The following PRKAG2 variants were observed in gnomAD, a reference collection of about 807,000 sequenced individuals.
PRKAG2 encodes the protein protein kinase AMP-activated non-catalytic subunit gamma 2.
A neutral mutation model predicts 69.6 loss-of-function variants in PRKAG2; 26 were observed. The observed-to-expected ratio is 0.37, with a 90% CI of 0.27 to 0.52. The LOEUF is 0.52. Among genes scored for constraint, PRKAG2 ranks in the 20% least tolerant of loss-of-function variants. PRKAG2 has a pLI of 0.90. For synonymous variants in PRKAG2, 293 were observed against 285.0 expected (o/e 1.03, Z -0.28); for missense variants, 557 against 740.0 (o/e 0.75, Z 2.87).
Position 151,786,482 on chromosome 7 carries a change from A to G in PRKAG2, c.174T>C (p.His58=). ...AAGGAGGTCTTACCTTTCGAGAGGAATGCTTTCCGGAACCCTCCAGGTCTC... is the reference window on the plus strand; with the variant it reads ...AAGGAGGTCTTACCTTTCGAGAGGAGTGCTTTCCGGAACCCTCCAGGTCTC... ...LDGDLEGSGK[H]SSRKVDSPFG... is the part of the protein sequence containing the mutation. Residue 58 remains histidine (H), a synonymous_variant, in exon 2 of 16, where the codon CAT becomes CAC. Coordinates refer to ENST00000287878, the MANE Select transcript of PRKAG2 (RefSeq NM_016203.4). 1 of 1,612,422 alleles carries G rather than the reference A, an allele frequency of 6.2e-7. No homozygotes were observed.
At chr7:151,751,658 TCCATG>T (rs1300020701) in intron 3 of PRKAG2, among the ~76,000 whole-genome samples, 1 of 150,480 alleles carries the variant, frequency 6.6e-6, no homozygotes, top group East Asian at 2.0e-4. Context: ...GGCACATGTC[TCCATG>T]CCCAGCTATT....
chr7:151,864,310 G>A (rs184997197), intron 1 of PRKAG2, among the ~76,000 whole-genome samples: 10 of 152,336 alleles, frequency 6.6e-5, no homozygotes, highest in African/African-American at 2.2e-4. Context: ...CAAAGGCCCA[G>A]GTTCAATCCT....
At chr7:151,570,319 G>C (rs1273948315) in intron 9 of PRKAG2, 94 bp from the exon 10 acceptor site, 2 of 1,360,092 alleles carry the variant, frequency 1.5e-6, no homozygotes, top group Non-Finnish European at 2.0e-6. Context: ...ACGGTTAATA[G>C]TTAGAAGGAT....
At chr7:151,639,681 C>T (rs1172904271) in intron 4 of PRKAG2, among the ~76,000 whole-genome samples, 1 of 152,202 alleles carries the variant, frequency 6.6e-6, no homozygotes, top group African/African-American at 2.4e-5. Flanking sequence ...CAGCAGCAGC[C>T]CTCTGGTTTT....
Position 151,876,572 on chromosome 7 carries a change from G to C in PRKAG2, c.49C>G (p.Pro17Ala). Residue 17 changes from proline (P) to alanine (A), a missense_variant, in exon 1 of 16, where the codon CCC (proline) becomes GCC (alanine). Around this residue, in one of 2 missense-constraint regions of PRKAG2, gnomAD observed 352 missense variants for 356.7 expected, o/e 0.99. Coordinates refer to ENST00000287878, the MANE Select transcript of PRKAG2 (RefSeq NM_016203.4). ...TTTTTCTTGCCGCCGCTCCCGCCGG[G>C]GCTGGAAACATCTTTTTTCTTCTTG... is the stretch of plus-strand genomic sequence containing the variant. ...DTKKKKDVSSPGGSGGKKNAS... is the reference protein window; with the variant it reads ...DTKKKKDVSSAGGSGGKKNAS... The C allele has an allele frequency of 6.2e-7, 1 of 1,610,498 alleles. No individual in the cohort carries two copies. Among genetic ancestry groups the C allele is most frequent in the South Asian group, 1.1e-5 (1 of 91,084 alleles).
chr7:151,653,122 CA>C (rs778906103), intron 4 of PRKAG2, among the ~76,000 whole-genome samples: 11 of 148,808 alleles, frequency 7.4e-5, no homozygotes, highest in South Asian at 4.2e-4. Flanking sequence ...CTTTAATCAT[CA>C]TAGCAGAGCC....
At chr7:151,709,462 A>G (rs187687656) in intron 3 of PRKAG2, among the ~76,000 whole-genome samples, 29 of 152,344 alleles carry the variant, frequency 1.9e-4, no homozygotes, top group African/African-American at 6.0e-4. Context: ...TTGAGTGATG[A>G]CATTGAGTGA....
intron 1 of PRKAG2, among the ~76,000 whole-genome samples, chr7:151,857,715 C>A (rs1262316220): frequency 6.6e-6 from 1 of 152,250 alleles, no homozygotes; most frequent in Admixed American, 6.5e-5. Flanking sequence ...TGCTGAGGAC[C>A]TGCTGGCTTG....
rs377589053 is a variant in PRKAG2 at position 151,752,273 on chromosome 7, C to T, written c.466+28879G>A. ...GAGGGAACATGGATGGAGCTGGAGGCGATCATCCTTAGCAAACTAACACAG... is the reference window on the plus strand; with the variant it reads ...GAGGGAACATGGATGGAGCTGGAGGTGATCATCCTTAGCAAACTAACACAG... On this transcript the variant is annotated intron_variant, in intron 3 of 15. Transcript: ENST00000287878. 5.3e-5 allele frequency among the ~76,000 whole-genome samples: 8 copies of T among 152,248 alleles called. No homozygotes were observed. The South Asian group carries it at 1.5e-3, about 28-fold the overall frequency.
At chr7:151,757,826 A>G (rs1006032224) in intron 3 of PRKAG2, among the ~76,000 whole-genome samples, 1 of 152,212 alleles carries the variant, frequency 6.6e-6, no homozygotes. Context: ...AAACAATAGA[A>G]TCGAAAATAA....
chr7:151,588,649 C>T (rs540779904), intron 6 of PRKAG2, among the ~76,000 whole-genome samples: 18 of 152,062 alleles, frequency 1.2e-4, no homozygotes, highest in Non-Finnish European at 1.5e-4. Flanking sequence ...CGTGAGACAC[C>T]GCACCCAGCG....
rs543875170 is a variant in PRKAG2 at position 151,701,410 on chromosome 7, T to C, written c.467-25773A>G. Among the ~76,000 whole-genome samples, 175 of 152,326 alleles carry C rather than the reference T, an allele frequency of 1.1e-3. 2 individuals carry two copies. Among genetic ancestry groups the C allele is most frequent in the Middle Eastern group, 6.8e-3 (2 of 294 alleles). On this transcript the variant is annotated intron_variant, in intron 3 of 15. Coordinates refer to ENST00000287878, the MANE Select transcript of PRKAG2 (RefSeq NM_016203.4). ...CTTAGACATAGGGTCATTGCAGATA[T>C]AATCAAGTTGAGATGAGGTCATACT... is the stretch of plus-strand genomic sequence containing the variant.
intron 3 of PRKAG2, among the ~76,000 whole-genome samples, chr7:151,749,355 C>T (rs373276892): frequency 3.9e-5 from 6 of 152,196 alleles, no homozygotes; most frequent in African/African-American, 7.2e-5. Flanking sequence ...GAACTGTAGT[C>T]CCCGGTATCC....
chr7:151,729,970 G>T (rs1563542333), intron 3 of PRKAG2, among the ~76,000 whole-genome samples: 1 of 152,224 alleles, frequency 6.6e-6, no homozygotes, highest in Admixed American at 6.5e-5. Flanking sequence ...GGAGGTCCCT[G>T]GAGTTATCAC....
intron 3 of PRKAG2, among the ~76,000 whole-genome samples, chr7:151,716,989 G>A (rs906249812): frequency 2.6e-5 from 4 of 152,196 alleles, no homozygotes; most frequent in African/African-American, 7.2e-5. Flanking sequence ...GCTCACGCCT[G>A]TAATCCCAGC....
At chr7:151,851,135 A>AAC (rs1056905350) in intron 1 of PRKAG2, among the ~76,000 whole-genome samples, 1 of 152,032 alleles carries the variant, frequency 6.6e-6, no homozygotes, top group Non-Finnish European at 1.5e-5. Context: ...TCACAAAACA[A>AAC]ACACACACAA....
intron 1 of PRKAG2, among the ~76,000 whole-genome samples, chr7:151,813,020 G>A (rs896950216): frequency 4.6e-5 from 7 of 152,022 alleles, no homozygotes; most frequent in Non-Finnish European, 1.0e-4. Context: ...GCTGGAAGGT[G>A]AGAAACCCCC....
intron 5 of PRKAG2, among the ~76,000 whole-genome samples, chr7:151,599,816 C>T (rs985508774): frequency 6.6e-6 from 1 of 152,206 alleles, no homozygotes; most frequent in Admixed American, 6.5e-5. Flanking sequence ...TTCATGGCCC[C>T]AGGATTGGGG....
chr7:151,706,471 C>A (rs773727919), intron 3 of PRKAG2, among the ~76,000 whole-genome samples: 3 of 152,312 alleles, frequency 2.0e-5, no homozygotes, highest in African/African-American at 2.4e-5. Context: ...ACTATCTCCC[C>A]ACCTGGGACA....
Sources: allele counts gnomAD v4.1 joint callset (sites outside exome capture counted in the v4.1 genomes callset), GRCh38; gene constraint gnomAD v4.1.1; regional missense constraint gnomAD v4.1.1; transcripts MANE v1.5; gene names NCBI Gene and HGNC (gene_info 2026-07-23, HGNC 2026-07-21).